Variants in BBS4 observed in about 807,000 individuals in gnomAD.
The protein encoded by BBS4 is Bardet-Biedl syndrome 4, also known as BBSome complex member BBS4.
BBS4 carries 58 observed loss-of-function variants against 71.4 expected under a neutral mutation model. The ratio of observed to expected loss-of-function variants is 0.81; its 90% CI spans 0.66 to 1.01. The LOEUF is 1.01. BBS4 is among the 50% of genes least tolerant of loss of function. BBS4 has a pLI of 0.00. For synonymous variants in BBS4, 228 were observed against 216.8 expected (o/e 1.05, Z -0.46); for missense variants, 660 against 607.9 (o/e 1.09, Z -0.90).
chr15:72,712,409 C>G (rs1207206757), intron 4 of BBS4, 102 bp downstream of exon 4: 1 of 1,060,654 alleles, frequency 9.4e-7, no homozygotes, highest in Non-Finnish European at 1.4e-6. Context: ...TACAGTCATG[C>G]ACCACTTAAC....
chr15:72,686,627 C>T, intron 1 of BBS4: 1 of 1,228,602 alleles, frequency 8.1e-7, no homozygotes, highest in East Asian at 4.8e-5. Context: ...TTTAACATGC[C>T]TGGAAGCTTG....
chr15:72,705,105 T>C (rs991460954), intron 2 of BBS4, among the ~76,000 whole-genome samples: 66 of 152,214 alleles, frequency 4.3e-4, no homozygotes, highest in African/African-American at 1.5e-3. Flanking sequence ...CTGCTTTATT[T>C]TTCTCCATAG....
At chr15:72,686,309 G>T in intron 1 of BBS4, 58 bp downstream of exon 1, 1 of 1,550,814 alleles carries the variant, frequency 6.4e-7, no homozygotes. Context: ...GCTGGCGGGT[G>T]GCTTTTGTCC....
At chr15:72,734,556 G>C (rs2065884564) in intron 12 of BBS4, among the ~76,000 whole-genome samples, 1 of 152,198 alleles carries the variant, frequency 6.6e-6, no homozygotes, top group Non-Finnish European at 1.5e-5. Context: ...TGTCTTCCTA[G>C]ATCTCCTCTT....
At position 72,688,411 on chromosome 15, in the gene BBS4, C is replaced by CTTTTTTTTTTTTTTTTTTTT. The variant is rs58644289; in HGVS notation, c.24+2161_24+2180dup. Among the ~76,000 whole-genome samples the CTTTTTTTTTTTTTTTTTTTT allele has an allele frequency of 3.8e-3, 313 of 83,046 alleles. 54 individuals are homozygous for CTTTTTTTTTTTTTTTTTTTT. Among genetic ancestry groups the CTTTTTTTTTTTTTTTTTTTT allele is most frequent in the East Asian group, 0.011 (21 of 1,908 alleles). 54.5% of individuals were successfully genotyped at this position (83,046 alleles called of 152,430 possible). A position where few individuals can be genotyped will look rare whatever the true frequency, so the allele number is the denominator to read the frequency against. The stretch of plus-strand genomic sequence containing the variant: ...GTCCTTTTAGGAAGTGGTATTTTAT[C>CTTTTTTTTTTTTTTTTTTTT]TTTTTTTTTTTTTTTTTTTTGAGAC... On this transcript the variant is annotated intron_variant, in intron 1 of 15. Coordinates refer to ENST00000268057, the MANE Select transcript of BBS4 (RefSeq NM_033028.5).
intron 4 of BBS4, among the ~76,000 whole-genome samples, chr15:72,713,296 C>A (rs2065407774): frequency 6.7e-6 from 1 of 149,360 alleles, no homozygotes; most frequent in Non-Finnish European, 1.5e-5. Flanking sequence ...AGCTTTGTGA[C>A]CCATCTAAGG....
chr15:72,722,686 A>C (rs1595935664), intron 6 of BBS4, 108 bp from the exon 7 acceptor site: 1 of 987,266 alleles, frequency 1.0e-6, no homozygotes, highest in Admixed American at 1.9e-5. Flanking sequence ...CATAGTTTAA[A>C]GTTTAAACCT....
chr15:72,735,278 C>T, intron 13 of BBS4, 96 bp downstream of exon 13: 1 of 937,180 alleles, frequency 1.1e-6, no homozygotes, highest in South Asian at 1.4e-5. Flanking sequence ...TGTGTCAGCC[C>T]AGCTGTTCCT....
intron 7 of BBS4, among the ~76,000 whole-genome samples, chr15:72,723,857 G>A (rs1007448591): frequency 1.3e-5 from 2 of 152,148 alleles, no homozygotes; most frequent in Admixed American, 6.5e-5. Context: ...GGAAAAGAAG[G>A]ATTTGTCTTT....
chr15:72,729,673 A>G lies in BBS4; in HGVS notation c.700A>G (p.Thr234Ala). Residue 234 changes from threonine to alanine, a missense_variant, in exon 10 of 16, where the codon ACC becomes GCC. Coordinates refer to ENST00000268057, the MANE Select transcript of BBS4 (RefSeq NM_033028.5). ...TGGCAATGCACTGACTTATGACCCT[A>G]CCAACTACAAGGTATTACAGGCTGT... ...HLGNALTYDP[T>A]NYKAILAAGS... The G allele has an allele frequency of 6.2e-7, 1 of 1,613,932 alleles. No homozygotes were observed. The highest frequency in any genetic ancestry group is 8.5e-7 in the Non-Finnish European group (1 of 1,179,914).
chr15:72,708,324 A>G (rs2065302640), intron 2 of BBS4, among the ~76,000 whole-genome samples: 1 of 152,124 alleles, frequency 6.6e-6, no homozygotes, highest in African/African-American at 2.4e-5. Context: ...AGGGGCCCCA[A>G]ACGGAGGGAC....
At chr15:72,730,309 T>G (rs370767759) in intron 10 of BBS4, among the ~76,000 whole-genome samples, 41 of 146,042 alleles carry the variant, frequency 2.8e-4, no homozygotes, top group East Asian at 2.0e-3. Context: ...ATAAAAAAAA[T>G]AAATCTGCTG....
intron 1 of BBS4, 174 bp downstream of exon 1, chr15:72,686,425 C>T: frequency 6.5e-7 from 1 of 1,534,028 alleles, no homozygotes. Flanking sequence ...TCGCCTGGGG[C>T]AAGTCTGGAT....
intron 2 of BBS4, among the ~76,000 whole-genome samples, chr15:72,709,244 G>A (rs1438347710): frequency 6.6e-6 from 1 of 152,198 alleles, no homozygotes; most frequent in Non-Finnish European, 1.5e-5. Flanking sequence ...TCCTCTCTTC[G>A]TACTCTTATT....
rs1428455125 is a variant in BBS4 at position 72,695,184 on chromosome 15, A to G, written c.32A>G (p.Gln11Arg). Residue 11 changes from glutamine to arginine, a missense_variant, in exon 2 of 16, where the codon CAA (glutamine) becomes CGA (arginine). Transcript: ENST00000268057. ...CTACTTATTTCATTTCAGAGAACTCAATTTCCTGTATCTACTGAGTCTCAA... is the reference window on the plus strand; with the variant it reads ...CTACTTATTTCATTTCAGAGAACTCGATTTCCTGTATCTACTGAGTCTCAA... MAEERVATRT[Q>R]FPVSTESQKP... 1 of 1,606,618 alleles carries G rather than the reference A, an allele frequency of 6.2e-7. No homozygotes were observed. Among genetic ancestry groups the G allele is most frequent in the African/African-American group, 1.3e-5 (1 of 74,886 alleles).
Position 72,724,481 on chromosome 15 carries a change from G to A in BBS4, c.460-47G>A, listed in dbSNP as rs769856808. On this transcript the variant is annotated intron_variant, in intron 7 of 15. Transcript: ENST00000268057. ...CATTAGCCATATAAAGGTATAGTTC[G>A]TTCAGTGGTAGTGATTTGGTTTTCT... is the stretch of plus-strand genomic sequence containing the variant. 1.1e-5 allele frequency: 18 copies of A among 1,610,052 alleles called. No homozygotes were observed. In the African/African-American group the frequency reaches 1.2e-4, roughly 11 times the overall value.
At chr15:72,690,862 T>C (rs2064970879) in intron 1 of BBS4, among the ~76,000 whole-genome samples, 1 of 152,234 alleles carries the variant, frequency 6.6e-6, no homozygotes. Context: ...TCCACATCCC[T>C]GTCAACACTT....
chr15:72,698,355 C>T (rs1485299468), intron 2 of BBS4, among the ~76,000 whole-genome samples: 3 of 152,182 alleles, frequency 2.0e-5, no homozygotes, highest in African/African-American at 2.4e-5. Flanking sequence ...TCATTCCAAA[C>T]AGAAACACTG....
chr15:72,691,613 A>C (rs527998774), intron 1 of BBS4, among the ~76,000 whole-genome samples: 1 of 152,172 alleles, frequency 6.6e-6, no homozygotes, highest in Non-Finnish European at 1.5e-5. Context: ...AAGTATGTCA[A>C]TTAACTTATC....
Sources: allele counts gnomAD v4.1 joint callset (sites outside exome capture counted in the v4.1 genomes callset), GRCh38; gene constraint gnomAD v4.1.1; transcripts MANE v1.5; gene names NCBI Gene and HGNC (gene_info 2026-07-23, HGNC 2026-07-21).